SOBP: variants seen among roughly 807,000 people sequenced by gnomAD.
SOBP encodes the protein sine oculis binding protein homolog, also known as sine oculis-binding protein homolog.
Under a neutral mutation model 53.6 loss-of-function variants are expected in SOBP, and 4 were observed. That is an observed-to-expected ratio of 0.07 (90% confidence interval 0.04 to 0.17). The LOEUF is 0.17. Ranked by LOEUF, SOBP falls within the 10% of genes least tolerant of loss-of-function variation. SOBP has a pLI of 1.00. For synonymous variants in SOBP, 584 were observed against 522.6 expected, an observed-to-expected ratio of 1.12 and a Z score of -1.60; for missense variants, 1,088 against 1,204.7, an observed-to-expected ratio of 0.90 and a Z score of 1.43.
chr6:107,619,505 T>C (rs987158304), intron 5 of SOBP, among the ~76,000 whole-genome samples: 10 of 152,112 alleles, frequency 6.6e-5, no homozygotes, highest in Non-Finnish European at 1.5e-4. Context: ...GGGATCCTTT[T>C]TGGGGGACAG....
At chr6:107,506,757 A>G (rs1783006059) in intron 3 of SOBP, among the ~76,000 whole-genome samples, 1 of 152,158 alleles carries the variant, frequency 6.6e-6, no homozygotes. Context: ...AATATAGACA[A>G]TGACTGTTTA....
intron 5 of SOBP, among the ~76,000 whole-genome samples, chr6:107,619,003 G>A (rs1215067241): frequency 6.6e-6 from 1 of 152,196 alleles, no homozygotes; most frequent in East Asian, 1.9e-4. Flanking sequence ...GGGGAGCACT[G>A]AGGCTGAGAA....
intron 4 of SOBP, among the ~76,000 whole-genome samples, chr6:107,556,145 A>G (rs1053186045): frequency 6.6e-6 from 1 of 152,230 alleles, no homozygotes; most frequent in African/African-American, 2.4e-5. Context: ...AAACCAGATC[A>G]TGGCTCTCCT....
intron 3 of SOBP, among the ~76,000 whole-genome samples, chr6:107,522,443 C>A (rs1402105578): frequency 1.3e-5 from 2 of 151,540 alleles, no homozygotes; most frequent in African/African-American, 2.4e-5. Context: ...GTAACAAACT[C>A]CATGAAGATA....
chr6:107,528,995 A>G (rs1322445568), intron 3 of SOBP, among the ~76,000 whole-genome samples: 1 of 152,194 alleles, frequency 6.6e-6, no homozygotes, highest in Non-Finnish European at 1.5e-5. Flanking sequence ...GAAAAAGATT[A>G]AATAACATTG....
intron 6 of SOBP, among the ~76,000 whole-genome samples, chr6:107,651,040 C>T (rs1483118876): frequency 3.9e-5 from 6 of 152,086 alleles, no homozygotes; most frequent in South Asian, 2.1e-4. Flanking sequence ...CTGAGGCTGG[C>T]GGATCGCTTG....
intron 4 of SOBP, among the ~76,000 whole-genome samples, chr6:107,563,379 G>A (rs1159783316): frequency 2.0e-5 from 3 of 152,156 alleles, no homozygotes; most frequent in Non-Finnish European, 4.4e-5. Context: ...TATATCATTT[G>A]ATTAATACAT....
intron 3 of SOBP, among the ~76,000 whole-genome samples, chr6:107,512,947 T>G (rs920577522): frequency 2.6e-5 from 4 of 152,216 alleles, no homozygotes; most frequent in Non-Finnish European, 4.4e-5. Context: ...CTCTGAATAC[T>G]TTAAAATGAA....
At chr6:107,586,907 A>G (rs1201120139) in intron 4 of SOBP, among the ~76,000 whole-genome samples, 173 bp from the exon 5 acceptor site, 2 of 152,218 alleles carry the variant, frequency 1.3e-5, no homozygotes, top group African/African-American at 4.8e-5. Context: ...GTAAAGAAAA[A>G]TAAATCCCAA....
rs772583981 is a variant in SOBP, at chr6:107,633,717, G to A, written c.873G>A (p.Gly291=). ...TGGAAAATAAAGCAGAAGGCACCGG[G>A]GTGCAGCTGCTCACTCCAGACTCTT... The part of the protein sequence containing the change: ...PPMENKAEGT[G]VQLLTPDSWN... The change falls in exon 6 of 7, where the codon GGG becomes GGA. Residue 291 remains glycine (G), a synonymous_variant. Coordinates refer to ENST00000317357, the MANE Select transcript of SOBP (RefSeq NM_018013.4). 4 of 1,614,208 alleles carry A rather than the reference G, an allele frequency of 2.5e-6. No homozygotes were observed. In the South Asian group the frequency reaches 3.3e-5, roughly 13 times the overall value.
chr6:107,588,087 G>A (rs1188067598), intron 5 of SOBP, among the ~76,000 whole-genome samples: 1 of 152,196 alleles, frequency 6.6e-6, no homozygotes, highest in Non-Finnish European at 1.5e-5. Context: ...AAGAGAATGA[G>A]GATGCTCAGT....
chr6:107,536,517 C>T (rs1784002353), intron 4 of SOBP, among the ~76,000 whole-genome samples: 1 of 152,178 alleles, frequency 6.6e-6, no homozygotes. Context: ...TCTTTTGCCT[C>T]TCAATCCTTC....
At chr6:107,574,504 A>G (rs1785167370) in intron 4 of SOBP, among the ~76,000 whole-genome samples, 1 of 152,104 alleles carries the variant, frequency 6.6e-6, no homozygotes, top group African/African-American at 2.4e-5. Context: ...ATAATCTTTC[A>G]TTTGTGGGAT....
chr6:107,511,568 T>G (rs919529266), intron 3 of SOBP: 2 of 152,206 alleles, frequency 1.3e-5, no homozygotes, highest in Non-Finnish European at 2.9e-5. Context: ...CTGGATCCCA[T>G]CCATGTCTTG....
chr6:107,585,721 C>T (rs896888679), intron 4 of SOBP, among the ~76,000 whole-genome samples: 2 of 152,190 alleles, frequency 1.3e-5, no homozygotes. Flanking sequence ...CTGACCATGA[C>T]ATTGCACTTC....
chr6:107,558,306 T>A (rs1213871527), intron 4 of SOBP: 1 of 151,732 alleles, frequency 6.6e-6, no homozygotes, highest in Non-Finnish European at 1.5e-5. Flanking sequence ...TCTTGCTCTG[T>A]CACCCAGGCT....
intron 5 of SOBP, among the ~76,000 whole-genome samples, chr6:107,630,985 C>T (rs1185582693): frequency 6.6e-6 from 1 of 152,022 alleles, no homozygotes; most frequent in African/African-American, 2.4e-5. Context: ...TCTCATTTGA[C>T]AATTGGGATA....
chr6:107,656,291 G>C (rs867293664), intron 6 of SOBP, among the ~76,000 whole-genome samples: 2 of 16,018 alleles, frequency 1.2e-4, no homozygotes, highest in Non-Finnish European at 1.8e-4. Context: ...AGAAAGAAAA[G>C]AAAGAAAGAA....
intron 4 of SOBP, among the ~76,000 whole-genome samples, chr6:107,550,248 C>G (rs144286443): frequency 2.0e-5 from 3 of 152,138 alleles, no homozygotes; most frequent in African/African-American, 7.2e-5. Context: ...GTCTGTAAAA[C>G]AAGCACATGA....
Sources: allele counts gnomAD v4.1 joint callset (sites outside exome capture counted in the v4.1 genomes callset), GRCh38; gene constraint gnomAD v4.1.1; transcripts MANE v1.5; gene names NCBI Gene and HGNC (gene_info 2026-07-23, HGNC 2026-07-21).